QTMAN: variants seen among roughly 807,000 people sequenced by gnomAD.
The protein encoded by QTMAN is tRNA-queuosine alpha-mannosyltransferase.
At chr2:144,197,856 C>A in the QTMAN span, among the ~76,000 whole-genome samples, 1 of 152,128 alleles carries the variant, frequency 6.6e-6, no homozygotes, top group African/African-American at 2.4e-5. Context: ...ATCCAGTTTT[C>A]CTTGCCTCAC....
the QTMAN span, among the ~76,000 whole-genome samples, chr2:144,154,266 A>G: frequency 6.6e-6 from 1 of 152,184 alleles, no homozygotes; most frequent in East Asian, 1.9e-4. Flanking sequence ...AGGCTTTCCT[A>G]AGGAGATGCA....
the QTMAN span, among the ~76,000 whole-genome samples, chr2:144,077,206 C>T: frequency 2.6e-5 from 4 of 152,186 alleles, no homozygotes; most frequent in Non-Finnish European, 5.9e-5. Context: ...TTTTGTGATA[C>T]ACAATGACTC....
the QTMAN span, among the ~76,000 whole-genome samples, chr2:143,959,569 C>A: frequency 6.6e-6 from 1 of 152,066 alleles, no homozygotes; most frequent in Admixed American, 6.6e-5. Flanking sequence ...ATTCAATAAA[C>A]AGCAATTTTA....
chr2:144,046,992 C>G, the QTMAN span, among the ~76,000 whole-genome samples: 2 of 152,210 alleles, frequency 1.3e-5, no homozygotes, highest in South Asian at 4.2e-4. Flanking sequence ...GATTTTGGAC[C>G]GGGCGTGGTG....
chr2:144,281,473 A>C, the QTMAN span, among the ~76,000 whole-genome samples: 3 of 152,002 alleles, frequency 2.0e-5, no homozygotes, highest in East Asian at 5.8e-4. Flanking sequence ...ATAATCATAC[A>C]ACTGAATATA....
At chr2:143,955,141 TCTA>T in the QTMAN span, among the ~76,000 whole-genome samples, 1 of 152,126 alleles carries the variant, frequency 6.6e-6, no homozygotes, top group East Asian at 1.9e-4. Context: ...GACACCTGAG[TCTA>T]CTAATAACAG....
At chr2:144,085,394 C>T in the QTMAN span, among the ~76,000 whole-genome samples, 2 of 152,142 alleles carry the variant, frequency 1.3e-5, no homozygotes, top group Non-Finnish European at 2.9e-5. Context: ...CACAACCAGG[C>T]TCTTTGGAAT....
the QTMAN span, among the ~76,000 whole-genome samples, chr2:144,059,817 CTA>C: frequency 6.6e-6 from 1 of 152,146 alleles, no homozygotes; most frequent in Non-Finnish European, 1.5e-5. Context: ...GCTCGTCCCC[CTA>C]TTGGCCTTCA....
chr2:144,007,201 T>G, the QTMAN span: 1 of 1,593,994 alleles, frequency 6.3e-7, no homozygotes, highest in Non-Finnish European at 8.6e-7. Flanking sequence ...GGCCAGACAA[T>G]GTGTAGCAGT....
chr2:144,186,382 T>C, the QTMAN span, among the ~76,000 whole-genome samples: 3,539 of 152,194 alleles, frequency 0.023, 83 homozygotes, highest in East Asian at 0.1. Flanking sequence ...AGGGTGGAAG[T>C]CCCTCCCTGT....
the QTMAN span, among the ~76,000 whole-genome samples, chr2:144,203,860 C>T: frequency 1.2e-4 from 19 of 152,004 alleles, no homozygotes; most frequent in South Asian, 4.2e-4. Flanking sequence ...TTAAGAAGAA[C>T]GAATAGACAA....
At chr2:143,953,655 T>C in the QTMAN span, among the ~76,000 whole-genome samples, 114 of 152,040 alleles carry the variant, frequency 7.5e-4, 1 homozygote, top group Non-Finnish European at 1.3e-3. Flanking sequence ...TAGCTATTGA[T>C]CTGACATATA....
the QTMAN span, among the ~76,000 whole-genome samples, chr2:144,181,578 T>C: frequency 1.3e-5 from 2 of 152,106 alleles, no homozygotes; most frequent in South Asian, 2.1e-4. Context: ...TTTGAAATAC[T>C]GAGGTGTGTG....
the QTMAN span, among the ~76,000 whole-genome samples, chr2:144,238,765 G>A: frequency 1.3e-5 from 2 of 152,012 alleles, no homozygotes; most frequent in Non-Finnish European, 1.5e-5. Context: ...ATATAAGCTC[G>A]TTGTTTTTGC....
the QTMAN span, among the ~76,000 whole-genome samples, chr2:144,099,465 G>A: frequency 2.0e-5 from 3 of 152,180 alleles, no homozygotes; most frequent in African/African-American, 7.2e-5. Context: ...TCTCTGTCCA[G>A]AGTAACGAAA....
the QTMAN span, among the ~76,000 whole-genome samples, chr2:144,271,949 CCTT>C: frequency 6.6e-6 from 1 of 152,190 alleles, no homozygotes; most frequent in Non-Finnish European, 1.5e-5. Flanking sequence ...CCATTTCCCT[CCTT>C]CTTTCCCAAA....
At chr2:143,954,011 G>C in the QTMAN span, among the ~76,000 whole-genome samples, 1 of 151,894 alleles carries the variant, frequency 6.6e-6, no homozygotes, top group Non-Finnish European at 1.5e-5. Flanking sequence ...AGTTTTGCTT[G>C]AGAACTGATA....
the QTMAN span, among the ~76,000 whole-genome samples, chr2:144,072,641 C>T: frequency 1.3e-5 from 2 of 152,150 alleles, no homozygotes; most frequent in African/African-American, 2.4e-5. Context: ...AGAAAGGGGC[C>T]TGTCCTCAAA....
the QTMAN span, among the ~76,000 whole-genome samples, chr2:144,095,195 C>G: frequency 6.6e-6 from 1 of 152,202 alleles, no homozygotes; most frequent in African/African-American, 2.4e-5. Flanking sequence ...TCCAATGAAA[C>G]TTGTTTGTTT....
Sources: allele counts gnomAD v4.1 joint callset (sites outside exome capture counted in the v4.1 genomes callset), GRCh38; gene constraint gnomAD v4.1.1; transcripts MANE v1.5; gene names NCBI Gene and HGNC (gene_info 2026-07-23, HGNC 2026-07-21).